The following AGBL4 variants were observed in gnomAD, a reference collection of about 807,000 sequenced individuals.
The protein encoded by AGBL4 is cytosolic carboxypeptidase 6.
In AGBL4, 58 loss-of-function variants were observed where a neutral mutation model predicts 66.4. The observed-to-expected ratio is 0.87, with a 90% CI of 0.71 to 1.09. The LOEUF is 1.09. Ranked by LOEUF, AGBL4 falls within the 50% of genes least tolerant of loss-of-function variation. The pLI is 0.00. For missense variants in AGBL4, 579 were observed against 631.0 expected, an observed-to-expected ratio of 0.92 and a Z score of 0.88; for synonymous variants, 234 against 222.9, an observed-to-expected ratio of 1.05 and a Z score of -0.44.
chr1:48,680,986 C>T (rs146385286), intron 6 of AGBL4, among the ~76,000 whole-genome samples: 2 of 152,158 alleles, frequency 1.3e-5, no homozygotes, highest in African/African-American at 4.8e-5. Context: ...ATTACAGGTA[C>T]AGGTTGCTGG....
chr1:48,579,850 G>A (rs1362783771), intron 11 of AGBL4, among the ~76,000 whole-genome samples: 3 of 149,404 alleles, frequency 2.0e-5, no homozygotes, highest in African/African-American at 2.5e-5. Flanking sequence ...CCTGGGAGGC[G>A]GAGCTTGCAG....
At chr1:49,670,986 T>A (rs1449726066) in intron 3 of AGBL4, among the ~76,000 whole-genome samples, 2 of 152,180 alleles carry the variant, frequency 1.3e-5, no homozygotes, top group Non-Finnish European at 2.9e-5. Flanking sequence ...GAAAAACATA[T>A]TTTAAATTCT....
intron 3 of AGBL4, among the ~76,000 whole-genome samples, chr1:49,319,049 CT>C: frequency 6.6e-6 from 1 of 152,252 alleles, no homozygotes; most frequent in East Asian, 1.9e-4. Flanking sequence ...GTTAGATTGG[CT>C]CTAATTATAA....
intron 10 of AGBL4, among the ~76,000 whole-genome samples, chr1:48,588,231 C>T (rs1644855318): frequency 6.6e-6 from 1 of 152,202 alleles, no homozygotes; most frequent in South Asian, 2.1e-4. Flanking sequence ...ATAGCTGATT[C>T]ATGTCCAGAA....
chr1:49,932,695 C>T (rs1198583547), intron 1 of AGBL4, among the ~76,000 whole-genome samples: 1 of 151,986 alleles, frequency 6.6e-6, no homozygotes, highest in Non-Finnish European at 1.5e-5. Context: ...AATCCCAACC[C>T]ACTTTCCTCC....
intron 1 of AGBL4, among the ~76,000 whole-genome samples, chr1:49,938,092 C>A (rs1269740906): frequency 6.7e-6 from 1 of 149,290 alleles, no homozygotes; most frequent in Non-Finnish European, 1.5e-5. Flanking sequence ...AAGTGATAGA[C>A]CGCTAGCAAG....
intron 4 of AGBL4, among the ~76,000 whole-genome samples, chr1:49,094,776 CAA>C (rs1405992427): frequency 1.3e-5 from 2 of 152,150 alleles, no homozygotes; most frequent in African/African-American, 4.8e-5. Context: ...AAAACTGGCA[CAA>C]GACAGGGATG....
intron 3 of AGBL4, among the ~76,000 whole-genome samples, chr1:49,294,400 T>C (rs1293943902): frequency 1.3e-5 from 2 of 152,200 alleles, no homozygotes; most frequent in Admixed American, 1.3e-4. Flanking sequence ...TCATTCTCTT[T>C]CCAAAATAGA....
intron 3 of AGBL4, among the ~76,000 whole-genome samples, chr1:49,543,086 T>G (rs1157219016): frequency 6.6e-6 from 1 of 152,066 alleles, no homozygotes; most frequent in Non-Finnish European, 1.5e-5. Context: ...TCACTAAATT[T>G]GTAACATAAC....
chr1:48,599,587 C>T (rs1317407668), intron 9 of AGBL4, among the ~76,000 whole-genome samples: 2 of 152,160 alleles, frequency 1.3e-5, no homozygotes, highest in African/African-American at 4.8e-5. Flanking sequence ...GGTGAGAAGG[C>T]ATATTTAATA....
At chr1:49,574,616 T>C (rs1644398904) in intron 3 of AGBL4, among the ~76,000 whole-genome samples, 2 of 152,126 alleles carry the variant, frequency 1.3e-5, no homozygotes, top group African/African-American at 2.4e-5. Flanking sequence ...CTCTTCTCTG[T>C]ATGTCAGATT....
intron 4 of AGBL4, among the ~76,000 whole-genome samples, chr1:49,089,924 G>A (rs1319460625): frequency 1.3e-5 from 2 of 152,116 alleles, no homozygotes; most frequent in African/African-American, 4.8e-5. Flanking sequence ...TTTATCCCTA[G>A]GATGCAAGGT....
intron 5 of AGBL4, among the ~76,000 whole-genome samples, chr1:48,941,713 A>C (rs1363647444): frequency 6.6e-6 from 1 of 152,168 alleles, no homozygotes; most frequent in Non-Finnish European, 1.5e-5. Flanking sequence ...CAAGGTGATG[A>C]ATTTAGGTTT....
At chr1:49,901,819 C>T (rs1254679943) in intron 1 of AGBL4, among the ~76,000 whole-genome samples, 4 of 152,110 alleles carry the variant, frequency 2.6e-5, no homozygotes, top group Non-Finnish European at 5.9e-5. Flanking sequence ...CAAAACAGCA[C>T]TGTACTGGTA....
chr1:48,816,688 G>C (rs1427581823), intron 6 of AGBL4, among the ~76,000 whole-genome samples: 2 of 152,182 alleles, frequency 1.3e-5, no homozygotes, highest in Admixed American at 6.5e-5. Flanking sequence ...TAAGAATCTT[G>C]AAAGATGCTT....
At chr1:48,969,232 G>A (rs554420151) in intron 5 of AGBL4, among the ~76,000 whole-genome samples, 2 of 152,014 alleles carry the variant, frequency 1.3e-5, no homozygotes, top group African/African-American at 4.8e-5. Context: ...CATAATACAC[G>A]GCGGACACTC....
At chr1:49,071,843 G>A (rs1180922254) in intron 4 of AGBL4, among the ~76,000 whole-genome samples, 1 of 150,122 alleles carries the variant, frequency 6.7e-6, no homozygotes, top group East Asian at 1.9e-4. Context: ...TGACAGTGGG[G>A]TGTTAAAGTC....
intron 5 of AGBL4, among the ~76,000 whole-genome samples, chr1:48,987,940 A>G (rs1455622594): frequency 1.3e-5 from 2 of 151,814 alleles, no homozygotes; most frequent in East Asian, 3.9e-4. Flanking sequence ...CATGCTGGGC[A>G]CTCTTCCTAG....
intron 2 of AGBL4, among the ~76,000 whole-genome samples, chr1:49,731,782 C>T (rs977698227): frequency 3.9e-5 from 6 of 152,058 alleles, no homozygotes; most frequent in African/African-American, 1.4e-4. Context: ...GAAGTAATAC[C>T]TACGGCCAAT....
Sources: allele counts gnomAD v4.1 joint callset (sites outside exome capture counted in the v4.1 genomes callset), GRCh38; gene constraint gnomAD v4.1.1; transcripts MANE v1.5; gene names NCBI Gene and HGNC (gene_info 2026-07-23, HGNC 2026-07-21).